Variants in CCDC125 observed in about 807,000 individuals in gnomAD.
CCDC125 encodes coiled-coil domain containing 125.
Under a neutral mutation model 57.4 loss-of-function variants are expected in CCDC125, and 43 were observed. That is an observed-to-expected ratio of 0.75 (90% CI 0.59 to 0.97). CCDC125 has a LOEUF of 0.97. CCDC125 is among the 50% of genes least tolerant of loss of function. CCDC125 has a pLI of 0.00. For missense variants in CCDC125, 563 were observed against 595.7 expected (o/e 0.95, Z 0.57); for synonymous variants, 187 against 195.2 (o/e 0.96, Z 0.35).
At position 69,292,443 on chromosome 5, in the gene CCDC125, T is replaced by C. The variant is rs543767475; in HGVS notation, c.925-81A>G. ...CTGAATGGGGAATCAAATTAACATA[T>C]GCAATCTCACTGCCTAGCACTGGTT... On this transcript the variant is annotated intron_variant, in intron 9 of 11. Transcript: ENST00000396496. The C allele has an allele frequency of 4.8e-5, 49 of 1,029,756 alleles. 2 individuals carry two copies. In the South Asian group the frequency reaches 6.2e-4, roughly 13 times the overall value. The allele number at this position is 1,029,756 out of a possible 1,614,324, so 63.8% of individuals were successfully genotyped here.
At chr5:69,290,636 T>C (rs1451848045) in intron 10 of CCDC125, among the ~76,000 whole-genome samples, 5 of 147,016 alleles carry the variant, frequency 3.4e-5, no homozygotes, top group Middle Eastern at 3.5e-3. Flanking sequence ...TTTCTTTTTT[T>C]TTTTTTTTTG....
At chr5:69,283,820 C>T (rs1266664830) in intron 11 of CCDC125, among the ~76,000 whole-genome samples, 3 of 145,310 alleles carry the variant, frequency 2.1e-5, no homozygotes, top group Non-Finnish European at 3.0e-5. Flanking sequence ...GACAGAGTCT[C>T]GCTCTGTCAC....
At chr5:69,312,567 T>C (rs1758331736) in intron 3 of CCDC125, among the ~76,000 whole-genome samples, 1 of 152,114 alleles carries the variant, frequency 6.6e-6, no homozygotes, top group South Asian at 2.1e-4. Flanking sequence ...TGAGGTTAAA[T>C]TAAGTCAGAT....
At position 69,320,562 on chromosome 5, in the gene CCDC125, A is replaced by G. The variant is rs377292137; in HGVS notation, c.-22T>C. On this transcript the variant is annotated 5_prime_UTR_variant, in exon 2 of 12. An upstream start codon of the reference 5' UTR is lost. Transcript: ENST00000396496. Reference sequence around the variant, plus strand: ...TCATGAGCCAAATGCCGTCTTTATCATAAGAAAAAATGGGCTGTCTGTAGT... The same window carrying G: ...TCATGAGCCAAATGCCGTCTTTATCGTAAGAAAAAATGGGCTGTCTGTAGT... 3.2e-6 allele frequency: 5 copies of G among 1,550,900 alleles called. No homozygotes were observed. The highest frequency in any genetic ancestry group is 1.9e-5 in the Admixed American group (1 of 52,758).
chr5:69,307,919 T>G (rs535204343), intron 5 of CCDC125, 32 bp downstream of exon 5: 1 of 1,525,502 alleles, frequency 6.6e-7, no homozygotes, highest in East Asian at 2.3e-5. Flanking sequence ...GCTTATTGGA[T>G]TCAATAAGTC....
intron 10 of CCDC125, among the ~76,000 whole-genome samples, chr5:69,288,420 G>A (rs4976159): frequency 0.5 from 75,355 of 151,902 alleles, 19,283 homozygotes; most frequent in Middle Eastern, 0.56. Flanking sequence ...GTGATGTACC[G>A]TGTCCATGTA....
chr5:69,329,757 C>G (rs1761189382), intron 1 of CCDC125, among the ~76,000 whole-genome samples: 1 of 152,124 alleles, frequency 6.6e-6, no homozygotes, highest in Admixed American at 6.6e-5. Flanking sequence ...CCTGTCTCGG[C>G]CTCCCAAAGT....
intron 7 of CCDC125, among the ~76,000 whole-genome samples, chr5:69,302,539 C>T (rs1046716252): frequency 1.3e-5 from 2 of 148,928 alleles, no homozygotes; most frequent in African/African-American, 4.9e-5. Context: ...TCCTGGCCAA[C>T]ATGGTGAAAC....
chr5:69,307,381 T>A (rs1006413907), intron 5 of CCDC125, among the ~76,000 whole-genome samples: 10 of 151,304 alleles, frequency 6.6e-5, no homozygotes, highest in East Asian at 1.9e-4. Flanking sequence ...AAAAAAAAAT[T>A]TTTTTTAAGA....
intron 7 of CCDC125, among the ~76,000 whole-genome samples, chr5:69,301,950 G>A (rs1484562662): frequency 6.6e-6 from 1 of 151,404 alleles, no homozygotes; most frequent in African/African-American, 2.4e-5. Flanking sequence ...GGACATGGTG[G>A]AACATGCCTG....
chr5:69,302,420 C>CAA (rs70992918), intron 7 of CCDC125, among the ~76,000 whole-genome samples: 342 of 30,410 alleles, frequency 0.011, 33 homozygotes, highest in South Asian at 0.016. Flanking sequence ...GACTCCATCT[C>CAA]AAAAAAAAAA....
At chr5:69,316,224 C>G (rs949619167) in intron 2 of CCDC125, among the ~76,000 whole-genome samples, 1 of 152,226 alleles carries the variant, frequency 6.6e-6, no homozygotes, top group East Asian at 1.9e-4. Flanking sequence ...GTCCACATGC[C>G]AATTCCCAGA....
the CCDC125 span, among the ~76,000 whole-genome samples, chr5:69,274,866 T>C: frequency 1.3e-5 from 2 of 152,124 alleles, no homozygotes; most frequent in Non-Finnish European, 2.9e-5. Context: ...TCCATCTGCC[T>C]CGGCCTCCCA....
chr5:69,306,962 T>C lies in CCDC125; in HGVS notation c.532-60A>G, dbSNP rs57580570. 6.5e-3 allele frequency: 8,854 copies of C among 1,365,116 alleles called. 456 individuals carry two copies. In the African/African-American group the frequency reaches 0.12, roughly 18 times the overall value. The allele number at this position is 1,365,116 out of a possible 1,614,324, so 84.6% of individuals were successfully genotyped here. A position where few individuals can be genotyped will look rare whatever the true frequency, so the allele number is the denominator to read the frequency against. The stretch of plus-strand genomic sequence containing the variant: ...ACTACAAATAAATCATTTCAGGACA[T>C]TGTGAATAGCTGAAATAAATCATAT... On this transcript the variant is annotated intron_variant, in intron 5 of 11. Coordinates refer to ENST00000396496, the MANE Select transcript of CCDC125 (RefSeq NM_176816.5).
At chr5:69,297,345 C>T (rs1238611777) in intron 8 of CCDC125, among the ~76,000 whole-genome samples, 2 of 146,864 alleles carry the variant, frequency 1.4e-5, no homozygotes, top group South Asian at 4.2e-4. Context: ...CTGGCCTGTG[C>T]CATATTTATT....
intron 10 of CCDC125, among the ~76,000 whole-genome samples, chr5:69,291,101 C>G (rs1450318838): frequency 6.6e-6 from 1 of 152,134 alleles, no homozygotes; most frequent in Non-Finnish European, 1.5e-5. Flanking sequence ...AATTTTTCTA[C>G]AAAACATTTA....
chr5:69,303,511 C>T lies in CCDC125; in HGVS notation c.700+336G>A, dbSNP rs530332205. The stretch of plus-strand genomic sequence containing the variant: ...TCCTGAGTAGCTGGGACTACAGGTG[C>T]GCACCACCATGTCTCGCTAATTTTT... On this transcript the variant is annotated intron_variant, in intron 7 of 11. Coordinates refer to ENST00000396496, the MANE Select transcript of CCDC125 (RefSeq NM_176816.5). Among the ~76,000 whole-genome samples the T allele has an allele frequency of 4.0e-5, 6 of 151,714 alleles. No homozygotes were observed. In the South Asian group the frequency reaches 1.3e-3, roughly 32 times the overall value.
chr5:69,320,383 T>C lies in CCDC125; in HGVS notation c.158A>G (p.Asp53Gly), dbSNP rs377424063. ...EFSHRSRKRS[D>G]GKNFSPPPFP... is the part of the protein sequence containing the mutation. ...TGGAGGAGGGCTAAAGTTCTTTCCATCTGATCTTTTTCTAGACCTATGTGA... is the reference window on the plus strand; with the variant it reads ...TGGAGGAGGGCTAAAGTTCTTTCCACCTGATCTTTTTCTAGACCTATGTGA... Residue 53 changes from aspartate (D) to glycine (G), a missense_variant, in exon 2 of 12, where the codon GAT (aspartate) becomes GGT (glycine). By Grantham distance (94) the Asp-to-Gly change is moderately conservative (BLOSUM62 -1). Transcript: ENST00000396496. The C allele has an allele frequency of 5.0e-4, 809 of 1,614,142 alleles. 12 individuals carry two copies. In the South Asian group the frequency reaches 8.2e-3, roughly 16 times the overall value.
chr5:69,295,953 G>A (rs906070077), intron 8 of CCDC125, among the ~76,000 whole-genome samples: 11 of 149,504 alleles, frequency 7.4e-5, no homozygotes, highest in African/African-American at 2.0e-4. Context: ...GCGCGATCTC[G>A]GCTCACTGCA....
Sources: allele counts gnomAD v4.1 joint callset (sites outside exome capture counted in the v4.1 genomes callset), GRCh38; gene constraint gnomAD v4.1.1; transcripts MANE v1.5; gene names NCBI Gene and HGNC (gene_info 2026-07-23, HGNC 2026-07-21).